The following DEAF1 variants were observed in gnomAD, a reference collection of about 807,000 sequenced individuals.
DEAF1 encodes DEAF1 transcription factor, also known as deformed epidermal autoregulatory factor 1 homolog.
DEAF1 carries 53 observed loss-of-function variants against 58.9 expected under a neutral mutation model. That is an observed-to-expected ratio of 0.90 (90% CI 0.72 to 1.13). DEAF1 has a LOEUF of 1.13. Ranked by LOEUF, DEAF1 falls within the 50% of genes most tolerant of loss-of-function variation. The pLI, the probability that DEAF1 is intolerant of heterozygous loss-of-function variation, is 0.00. For synonymous variants in DEAF1, 385 were observed against 340.4 expected (o/e 1.13, Z -1.44); for missense variants, 685 against 791.4 (o/e 0.87, Z 1.61).
At chr11:703,404 C>G in intron 1 of DEAF1, 1 of 1,346,358 alleles carries the variant, frequency 7.4e-7, no homozygotes, top group Non-Finnish European at 9.5e-7. Context: ...AAGATGAGTC[C>G]CAGGAGCGCA....
At chr11:689,632 C>G (rs1860746552) in intron 2 of DEAF1, 1 of 152,196 alleles carries the variant, frequency 6.6e-6, no homozygotes, top group African/African-American at 2.4e-5. Context: ...ACAGGGGGTC[C>G]TACTGCTGTG....
intron 11 of DEAF1, among the ~76,000 whole-genome samples, chr11:652,264 A>C (rs1267152896): frequency 6.6e-6 from 1 of 152,226 alleles, no homozygotes; most frequent in African/African-American, 2.4e-5. Flanking sequence ...TCCAGCACAC[A>C]CTTCCAAATA....
intron 11 of DEAF1, among the ~76,000 whole-genome samples, chr11:650,774 C>T (rs993955799): frequency 2.6e-5 from 4 of 151,942 alleles, no homozygotes; most frequent in Admixed American, 6.6e-5. Flanking sequence ...GGCAAAATGG[C>T]GAAACCCCGT....
intron 5 of DEAF1, among the ~76,000 whole-genome samples, chr11:686,127 TA>T (rs56327668): frequency 0.54 from 74,154 of 138,190 alleles, 19,919 homozygotes; most frequent in Admixed American, 0.59. Flanking sequence ...TACTGAAAAT[TA>T]AAAAAAAAAA....
At chr11:690,593 A>G (rs1860795426) in intron 2 of DEAF1, among the ~76,000 whole-genome samples, 1 of 151,966 alleles carries the variant, frequency 6.6e-6, no homozygotes, top group African/African-American at 2.4e-5. Flanking sequence ...TAAAAATACA[A>G]AAATTAGCCT....
intron 11 of DEAF1, among the ~76,000 whole-genome samples, chr11:653,647 A>G (rs937778398): frequency 3.3e-5 from 5 of 150,668 alleles, no homozygotes; most frequent in African/African-American, 4.9e-5. Context: ...GGAGGGCTCA[A>G]TAATGGAACT....
At chr11:680,078 C>T in intron 7 of DEAF1, 1 of 540,118 alleles carries the variant, frequency 1.9e-6, no homozygotes, top group South Asian at 2.2e-5. Flanking sequence ...AAATGTGCTG[C>T]CCAGCCAGAA....
chr11:675,005 C>CA (rs1163107973), intron 9 of DEAF1, among the ~76,000 whole-genome samples: 1 of 151,670 alleles, frequency 6.6e-6, no homozygotes. Context: ...CAAAAAAATA[C>CA]AAAAAATTGG....
At chr11:656,044 G>A (rs1859038776) in intron 10 of DEAF1, among the ~76,000 whole-genome samples, 1 of 152,074 alleles carries the variant, frequency 6.6e-6, no homozygotes. Flanking sequence ...ATATTGGTCA[G>A]GCTGGTCTCG....
upstream of DEAF1, among the ~76,000 whole-genome samples, chr11:697,100 C>CA (rs71022954): frequency 2.3e-3 from 331 of 142,112 alleles, 1 homozygote; most frequent in Middle Eastern, 0.014. Context: ...AATTCTGTCT[C>CA]AAAAAAAAAA....
intron 10 of DEAF1, chr11:654,726 G>A (rs1858964080): frequency 2.4e-6 from 1 of 425,410 alleles, no homozygotes; most frequent in Admixed American, 2.5e-5. Flanking sequence ...AAAATTAGCT[G>A]GGTGTGGTGG....
chr11:666,893 A>AG (rs1859559145), intron 10 of DEAF1, among the ~76,000 whole-genome samples: 1 of 151,284 alleles, frequency 6.6e-6, no homozygotes, highest in African/African-American at 2.4e-5. Flanking sequence ...AAAAAAAAAA[A>AG]AAAAGAAAAA....
At chr11:658,621 C>T (rs1391105204) in intron 10 of DEAF1, among the ~76,000 whole-genome samples, 1 of 152,286 alleles carries the variant, frequency 6.6e-6, no homozygotes, top group Non-Finnish European at 1.5e-5. Context: ...GCCCAGGCGC[C>T]CCAAGAAGCT....
At chr11:652,998 C>T (rs375455854) in intron 11 of DEAF1, among the ~76,000 whole-genome samples, 3 of 142,902 alleles carry the variant, frequency 2.1e-5, no homozygotes, top group South Asian at 4.4e-4. Flanking sequence ...GCAGGAGAAT[C>T]GCTTGAACCC....
Position 692,387 on chromosome 11 carries a change from CAA to C in DEAF1, c.290-791_290-790del, listed in dbSNP as rs1249525662. 33 of 156,040 alleles carry C rather than the reference CAA, an allele frequency of 2.1e-4. No homozygotes were observed. In the South Asian group the frequency reaches 6.3e-3, roughly 30 times the overall value. 9.7% of individuals were successfully genotyped at this position (156,040 alleles called of 1,614,324 possible). A position where few individuals can be genotyped will look rare whatever the true frequency, so the allele number is the denominator to read the frequency against. On this transcript the variant is annotated intron_variant, in intron 1 of 11. Coordinates refer to ENST00000382409, the MANE Select transcript of DEAF1 (RefSeq NM_021008.4). ...CCCCACACCCTCCTCTCTGCCTCTG[CAA>C]AGTCTTCCTGTGATGCTCCTAGGCC...
intron 10 of DEAF1, among the ~76,000 whole-genome samples, chr11:656,844 C>T (rs1859080384): frequency 6.6e-6 from 1 of 152,152 alleles, no homozygotes; most frequent in Non-Finnish European, 1.5e-5. Context: ...TTGGGCCTTT[C>T]GCGGTATGCC....
chr11:701,427 T>C (rs1861467965), intron 1 of DEAF1, among the ~76,000 whole-genome samples: 1 of 145,204 alleles, frequency 6.9e-6, no homozygotes, highest in Non-Finnish European at 1.5e-5. Context: ...TTTTTTTTTT[T>C]TGAGACAGAG....
chr11:692,961 C>T (rs957003976), intron 1 of DEAF1, among the ~76,000 whole-genome samples: 3 of 152,196 alleles, frequency 2.0e-5, no homozygotes, highest in East Asian at 1.9e-4. Context: ...GCATGCGGCG[C>T]GCGGCCACAG....
rs1860695468 is a variant in DEAF1, at chr11:688,596, A to G, written c.388-136T>C. 3 of 1,012,076 alleles carry G rather than the reference A, an allele frequency of 3.0e-6. No homozygotes were observed. Among genetic ancestry groups the G allele is most frequent in the Non-Finnish European group, 4.5e-6 (3 of 663,188 alleles). 62.7% of individuals were successfully genotyped at this position (1,012,076 alleles called of 1,614,324 possible). ...AGGGACGCTCACCTAGGCACCCCATATCTTTTCCAAAGATACCTCTCAAAG... is the reference window on the plus strand; with the variant it reads ...AGGGACGCTCACCTAGGCACCCCATGTCTTTTCCAAAGATACCTCTCAAAG... On this transcript the variant is annotated intron_variant, in intron 2 of 11. Coordinates refer to ENST00000382409, the MANE Select transcript of DEAF1 (RefSeq NM_021008.4). This position sits in a 1 kb window ranked among gnomAD's most constrained non-coding sequence, Gnocchi z 4.3.
Sources: allele counts gnomAD v4.1 joint callset (sites outside exome capture counted in the v4.1 genomes callset), GRCh38; gene constraint gnomAD v4.1.1; non-coding constraint Gnocchi (gnomAD v3.1); transcripts MANE v1.5; gene names NCBI Gene and HGNC (gene_info 2026-07-23, HGNC 2026-07-21).